Variants in RFC3 observed in about 807,000 individuals in gnomAD.
RFC3 encodes replication factor C subunit 3.
In RFC3, 41 loss-of-function variants were observed where a neutral mutation model predicts 45.1. The observed-to-expected ratio is 0.91, with a 90% CI of 0.71 to 1.18. The LOEUF (loss-of-function observed/expected upper bound fraction) is 1.18, where lower values mean the gene tolerates loss of function less well. RFC3 is among the 50% of genes most tolerant of loss of function. RFC3 has a pLI of 0.00. For synonymous variants in RFC3, 149 were observed against 144.0 expected, an observed-to-expected ratio of 1.03 and a Z score of -0.25; for missense variants, 423 against 428.1, an observed-to-expected ratio of 0.99 and a Z score of 0.10.
At chr13:33,901,975 C>T (rs2082644492) in intron 8 of RFC3, among the ~76,000 whole-genome samples, 2 of 151,976 alleles carry the variant, frequency 1.3e-5, no homozygotes, top group South Asian at 4.1e-4. Flanking sequence ...TCCACTTCCA[C>T]CCTAGACCCT....
chr13:33,867,550 T>A (rs1382109401), intron 8 of RFC3, among the ~76,000 whole-genome samples: 1 of 152,192 alleles, frequency 6.6e-6, no homozygotes, highest in East Asian at 1.9e-4. Flanking sequence ...CAGGAGGAAA[T>A]AGGGCCTCAC....
intron 8 of RFC3, among the ~76,000 whole-genome samples, chr13:33,897,229 T>A (rs1027559216): frequency 6.6e-6 from 1 of 151,986 alleles, no homozygotes; most frequent in East Asian, 1.9e-4. Flanking sequence ...AATATAAAAA[T>A]ATGTAAATTG....
At position 33,837,134 on chromosome 13, in the gene RFC3, A is replaced by G. The variant is rs867713345; in HGVS notation, c.*839A>G. The G allele has an allele frequency of 1.2e-5, 10 of 842,986 alleles. No homozygotes were observed. In the African/African-American group the frequency reaches 1.8e-4, roughly 16 times the overall value. 52.2% of individuals were successfully genotyped at this position (842,986 alleles called of 1,614,324 possible). A position where few individuals can be genotyped will look rare whatever the true frequency, so the allele number is the denominator to read the frequency against. On this transcript the variant is annotated 3_prime_UTR_variant, in exon 9 of 9. Transcript: ENST00000380071. Reference sequence around the variant, plus strand: ...TAAAATATACCCATTTTAAGGGTACAGTTTGATTTTTGACCAGTGAAACTA... The same window carrying G: ...TAAAATATACCCATTTTAAGGGTACGGTTTGATTTTTGACCAGTGAAACTA...
intron 8 of RFC3, among the ~76,000 whole-genome samples, chr13:33,964,018 A>G (rs1342015065): frequency 6.6e-6 from 1 of 152,154 alleles, no homozygotes; most frequent in Non-Finnish European, 1.5e-5. Context: ...TCGTCCTTCA[A>G]ATGATGAAAT....
chr13:33,917,987 C>T (rs146710493), intron 8 of RFC3, among the ~76,000 whole-genome samples: 4 of 152,208 alleles, frequency 2.6e-5, no homozygotes, highest in African/African-American at 9.6e-5. Context: ...AGTACCCATT[C>T]TCTGTTAAGT....
At chr13:33,899,785 A>C (rs1189517331) in intron 8 of RFC3, among the ~76,000 whole-genome samples, 1 of 151,950 alleles carries the variant, frequency 6.6e-6, no homozygotes, top group African/African-American at 2.4e-5. Context: ...AAAAACCTAA[A>C]GACTTCACCA....
At chr13:33,866,133 A>T (rs1208251709) in intron 8 of RFC3, among the ~76,000 whole-genome samples, 1 of 152,208 alleles carries the variant, frequency 6.6e-6, no homozygotes, top group Non-Finnish European at 1.5e-5. Flanking sequence ...TTGGTTGGCT[A>T]ATCAAGTGTG....
intron 8 of RFC3, among the ~76,000 whole-genome samples, chr13:33,880,554 A>T (rs1320788448): frequency 6.6e-6 from 1 of 152,198 alleles, no homozygotes; most frequent in Non-Finnish European, 1.5e-5. Context: ...TGCGCCTCTG[A>T]TATGTGGCTA....
intron 8 of RFC3, among the ~76,000 whole-genome samples, chr13:33,852,534 C>T (rs374135169): frequency 6.6e-6 from 1 of 152,136 alleles, no homozygotes; most frequent in East Asian, 1.9e-4. Context: ...TGGGGAGTAA[C>T]CCTCAGAAAC....
chr13:33,833,278 G>A (rs550661213), intron 7 of RFC3, among the ~76,000 whole-genome samples: 3 of 152,150 alleles, frequency 2.0e-5, no homozygotes, highest in Admixed American at 2.0e-4. Context: ...TTGAATAGCA[G>A]CGAATATTTC....
chr13:33,883,712 A>G (rs1158442832), intron 8 of RFC3, among the ~76,000 whole-genome samples: 3 of 152,222 alleles, frequency 2.0e-5, no homozygotes, highest in Non-Finnish European at 4.4e-5. Context: ...CATTATTTCA[A>G]AAATAAAAAG....
At chr13:33,954,000 A>C (rs1012766048) in intron 8 of RFC3, among the ~76,000 whole-genome samples, 1 of 152,218 alleles carries the variant, frequency 6.6e-6, no homozygotes, top group African/African-American at 2.4e-5. Flanking sequence ...AGAAGACCTC[A>C]GGCATGTTCT....
chr13:33,902,900 G>A (rs879448466), intron 8 of RFC3, among the ~76,000 whole-genome samples: 2 of 147,478 alleles, frequency 1.4e-5, no homozygotes, highest in Non-Finnish European at 2.9e-5. Context: ...ATACCCTAAC[G>A]ATAGCTGATG....
chr13:33,951,346 C>A (rs1223888361), intron 8 of RFC3, among the ~76,000 whole-genome samples: 1 of 151,756 alleles, frequency 6.6e-6, no homozygotes, highest in Non-Finnish European at 1.5e-5. Flanking sequence ...ATTCCCCTGC[C>A]TCAGCCTCCC....
At chr13:33,862,255 GTTTT>G (rs142905743) in intron 8 of RFC3, among the ~76,000 whole-genome samples, 1 of 134,902 alleles carries the variant, frequency 7.4e-6, no homozygotes, top group African/African-American at 2.7e-5. Flanking sequence ...TCTCAGCAAA[GTTTT>G]TTTTTTTTTT....
chr13:33,872,497 G>A (rs950244407), intron 8 of RFC3, among the ~76,000 whole-genome samples: 9 of 152,334 alleles, frequency 5.9e-5, no homozygotes, highest in South Asian at 4.1e-4. Flanking sequence ...ACTTTGGGAG[G>A]CCAAGGCGGG....
chr13:33,967,119 T>G (rs1308032892), downstream of RFC3, among the ~76,000 whole-genome samples: 1 of 151,558 alleles, frequency 6.6e-6, no homozygotes, highest in Non-Finnish European at 1.5e-5. Context: ...ACCACACCAC[T>G]GCACTCCAGA....
downstream of RFC3, among the ~76,000 whole-genome samples, chr13:33,838,792 T>G (rs972541887): frequency 6.6e-6 from 1 of 152,190 alleles, no homozygotes. Flanking sequence ...CTTTTTTCCC[T>G]GTCTGGTAAT....
At chr13:33,865,139 C>T (rs1394733440) in intron 8 of RFC3, among the ~76,000 whole-genome samples, 1 of 152,118 alleles carries the variant, frequency 6.6e-6, no homozygotes, top group East Asian at 1.9e-4. Context: ...AGTGTTATCA[C>T]CAGCATCAGT....
Sources: allele counts gnomAD v4.1 joint callset (sites outside exome capture counted in the v4.1 genomes callset), GRCh38; gene constraint gnomAD v4.1.1; transcripts MANE v1.5; gene names NCBI Gene and HGNC (gene_info 2026-07-23, HGNC 2026-07-21).